Variants in MED1 observed in about 807,000 individuals in gnomAD.
The protein encoded by MED1 is mediator complex subunit 1.
In MED1, 17 loss-of-function variants were observed where a neutral mutation model predicts 121.3. The observed-to-expected ratio is 0.14, with a 90% CI of 0.10 to 0.21. The LOEUF (loss-of-function observed/expected upper bound fraction) is 0.21, where lower values mean the gene tolerates loss of function less well. MED1 is among the 10% of genes least tolerant of loss of function. The pLI is 1.00. For synonymous variants in MED1, 661 were observed against 694.4 expected, an observed-to-expected ratio of 0.95 and a Z score of 0.76; for missense variants, 1,558 against 1,919.4, an observed-to-expected ratio of 0.81 and a Z score of 3.52.
chr17:39,410,708 G>A lies in MED1; in HGVS notation c.1513C>T (p.Pro505Ser). 6.2e-7 allele frequency: 1 copy of A among 1,606,648 alleles called. No homozygotes were observed. Among genetic ancestry groups the A allele is most frequent in the Non-Finnish European group, 8.5e-7 (1 of 1,174,922 alleles). ...AKVVQRCMSI[P>S]VTMRAIRRKA... ...CTCCGAATAGCCCTCATCGTCACAG[G>A]GATGGACATACATCTGCAAAATAAA... The change falls in exon 17 of 17, where the codon CCT becomes TCT. Residue 505 changes from proline to serine, a missense_variant. Physicochemically the swap from Pro to Ser is moderately conservative, Grantham distance 74 (BLOSUM62 -1). Around this residue, in one of 5 missense-constraint regions of MED1, gnomAD observed 50 missense variants for 134.5 expected, o/e 0.37. Transcript: ENST00000300651.
chr17:39,445,723 C>T (rs1240483886), intron 2 of MED1, among the ~76,000 whole-genome samples: 1 of 151,960 alleles, frequency 6.6e-6, no homozygotes, highest in Non-Finnish European at 1.5e-5. Context: ...AATTTGGTTG[C>T]CTTAAGGAAT....
rs529734694 is a variant in MED1 at position 39,406,322 on chromosome 17, G to A, written c.*1153C>T. 5.3e-5 allele frequency: 52 copies of A among 985,556 alleles called. No homozygotes were observed. Among genetic ancestry groups the A allele is most frequent in the Non-Finnish European group, 6.0e-5 (50 of 829,934 alleles). The allele number at this position is 985,556 out of a possible 1,614,324, so 61.1% of individuals were successfully genotyped here. A position where few individuals can be genotyped will look rare whatever the true frequency, so the allele number is the denominator to read the frequency against. ...TTTATCTCAGGGAGCATACAGTGGA[G>A]TGATTAAAGTTTGGACTCCTTCTCC... On this transcript the variant is annotated 3_prime_UTR_variant, in exon 17 of 17. Transcript: ENST00000300651.
Position 39,432,003 on chromosome 17 carries a change from T to C in MED1, c.514A>G (p.Lys172Glu). 6.2e-7 allele frequency: 1 copy of C among 1,607,224 alleles called. No homozygotes were observed. The highest frequency in any genetic ancestry group is 8.5e-7 in the Non-Finnish European group (1 of 1,173,816). Residue 172 changes from lysine to glutamate, a missense_variant, in exon 8 of 17, where the codon AAA becomes GAA. Physicochemically the swap from Lys to Glu is moderately conservative, Grantham distance 56. Around this residue, in one of 5 missense-constraint regions of MED1, gnomAD observed 443 missense variants for 532.4 expected, o/e 0.83. Transcript: ENST00000300651. ...NLPGDNKLKT[K>E]MYLALQSLEQ... ...AAGGATTGGAGAGCCAAGTACATTT[T>C]AGTCTTCAGTTTGCTGGAGAGTAGA...
At chr17:39,435,830 T>C (rs1307531536) in intron 6 of MED1, among the ~76,000 whole-genome samples, 1 of 152,066 alleles carries the variant, frequency 6.6e-6, no homozygotes, top group Non-Finnish European at 1.5e-5. Context: ...GCCTCCTGTG[T>C]AGCTGGAATT....
intron 16 of MED1, among the ~76,000 whole-genome samples, 166 bp from the exon 17 acceptor site, chr17:39,410,887 T>G (rs2048349257): frequency 1.3e-5 from 2 of 152,170 alleles, no homozygotes; most frequent in African/African-American, 4.8e-5. Flanking sequence ...GGTAAATACA[T>G]TCTAAAAATC....
rs2048309322 is a variant in MED1, at chr17:39,407,095, A to G, written c.*380T>C. The G allele has an allele frequency of 1.0e-6, 1 of 997,790 alleles. No homozygotes were observed. Among genetic ancestry groups the G allele is most frequent in the Non-Finnish European group, 1.2e-6 (1 of 837,830 alleles). 61.8% of individuals were successfully genotyped at this position (997,790 alleles called of 1,614,324 possible). Reference sequence around the variant, plus strand: ...TCTGCCCAGCCCTTCATATACATGCACTAAAATGAGTTTAAAACATGGCCT... The same window carrying G: ...TCTGCCCAGCCCTTCATATACATGCGCTAAAATGAGTTTAAAACATGGCCT... On this transcript the variant is annotated 3_prime_UTR_variant, in exon 17 of 17. Coordinates refer to ENST00000300651, the MANE Select transcript of MED1 (RefSeq NM_004774.4).
intron 13 of MED1, among the ~76,000 whole-genome samples, chr17:39,422,019 T>C (rs1347780010): frequency 6.7e-6 from 1 of 149,290 alleles, no homozygotes; most frequent in Non-Finnish European, 1.5e-5. Context: ...TCCCAGCTAC[T>C]CAGGAGGCTG....
At position 39,443,625 on chromosome 17, in the gene MED1, T is replaced by C. The variant is rs890185610; in HGVS notation, c.136A>G (p.Lys46Glu). 1 of 1,613,550 alleles carries C rather than the reference T, an allele frequency of 6.2e-7. No individual in the cohort carries two copies. Among genetic ancestry groups the C allele is most frequent in the Non-Finnish European group, 8.5e-7 (1 of 1,179,558 alleles). The change falls in exon 3 of 17, where the codon AAG becomes GAG. Residue 46 changes from lysine (K) to glutamate (E), a missense_variant. By Grantham distance (56) the Lys-to-Glu change is moderately conservative (BLOSUM62 1). Coordinates refer to ENST00000300651, the MANE Select transcript of MED1 (RefSeq NM_004774.4). ...TIKLVRQVME[K>E]RVVMSSGGHQ... ...CCTCCAGAACTCATCACAACCCTCT[T>C]CTCCTGTGTCAAGTGGGAAAACATT...
intron 13 of MED1, 148 bp downstream of exon 13, chr17:39,423,179 C>G: frequency 1.5e-6 from 1 of 688,676 alleles, no homozygotes; most frequent in Non-Finnish European, 2.5e-6. Flanking sequence ...TCTGAGATTT[C>G]TGTAATTTCC....
intron 13 of MED1, among the ~76,000 whole-genome samples, chr17:39,420,736 GC>G (rs755348123): frequency 1.2e-4 from 18 of 149,872 alleles, no homozygotes; most frequent in Non-Finnish European, 2.2e-4. Context: ...CCAGGATGAA[GC>G]CCCTCAGCTT....
intron 9 of MED1, among the ~76,000 whole-genome samples, chr17:39,430,302 T>C (rs2048553654): frequency 6.6e-6 from 1 of 151,026 alleles, no homozygotes; most frequent in African/African-American, 2.4e-5. Flanking sequence ...GGAGAATCCC[T>C]TGAACCCAGG....
At chr17:39,446,797 T>C (rs1174945969) in intron 2 of MED1, among the ~76,000 whole-genome samples, 3 of 148,906 alleles carry the variant, frequency 2.0e-5, no homozygotes, top group Non-Finnish European at 4.5e-5. Context: ...AAAAACTAGC[T>C]GGACATGGTT....
At chr17:39,447,335 G>A (rs2048737789) in intron 2 of MED1, among the ~76,000 whole-genome samples, 2 of 151,016 alleles carry the variant, frequency 1.3e-5, no homozygotes, top group East Asian at 1.9e-4. Context: ...AGGTTGCAGT[G>A]AGCCGAGATC....
In MED1 at chr17:39,443,606, G is replaced by A. The variant is rs1431069946; in HGVS notation, c.155C>T (p.Ser52Phe). ...GCTGACCAAATGTTGATGCCCTCCAGAACTCATCACAACCCTCTTCTCCTG... is the reference window on the plus strand; with the variant it reads ...GCTGACCAAATGTTGATGCCCTCCAAAACTCATCACAACCCTCTTCTCCTG... ...QVMEKRVVMS[S>F]GGHQHLVSCL... Residue 52 changes from serine to phenylalanine, a missense_variant, in exon 3 of 17, where the codon TCT becomes TTT. Coordinates refer to ENST00000300651, the MANE Select transcript of MED1 (RefSeq NM_004774.4). The A allele has an allele frequency of 8.7e-6, 14 of 1,613,830 alleles. No homozygotes were observed. The highest frequency in any genetic ancestry group is 1.2e-5 in the Non-Finnish European group (14 of 1,179,924).
chr17:39,451,009 G>A, intron 1 of MED1, 29 bp downstream of exon 1: 8 of 1,581,376 alleles, frequency 5.1e-6, no homozygotes, highest in African/African-American at 1.4e-5. Flanking sequence ...GTTGTGTCCC[G>A]CCCCCTCCTT....
intron 1 of MED1, 134 bp from the exon 2 acceptor site, chr17:39,448,038 C>A: frequency 3.5e-6 from 2 of 569,354 alleles, no homozygotes; most frequent in East Asian, 3.1e-5. Flanking sequence ...CATTTTACTT[C>A]AAAACATCCA....
intron 15 of MED1, 27 bp from the exon 16 acceptor site, chr17:39,415,158 G>T (rs2048397554): frequency 6.2e-7 from 1 of 1,610,344 alleles, no homozygotes; most frequent in Non-Finnish European, 8.5e-7. Context: ...ATAGGAAATT[G>T]TTTTAGATTT....
chr17:39,417,902 C>T (rs1269920356), intron 14 of MED1, among the ~76,000 whole-genome samples: 3 of 151,752 alleles, frequency 2.0e-5, no homozygotes, highest in Non-Finnish European at 4.4e-5. Context: ...GGGTGGATCA[C>T]GAGGTCAGGA....
Position 39,440,297 on chromosome 17 carries a change from C to A in MED1, c.399+89G>T, listed in dbSNP as rs2048663498. 2.2e-6 allele frequency: 3 copies of A among 1,367,724 alleles called. No individual in the cohort carries two copies. Among genetic ancestry groups the A allele is most frequent in the Non-Finnish European group, 2.9e-6 (3 of 1,024,554 alleles). The allele number at this position is 1,367,724 out of a possible 1,614,324, so 84.7% of individuals were successfully genotyped here. A position where few individuals can be genotyped will look rare whatever the true frequency, so the allele number is the denominator to read the frequency against. ...CAGTGGCTCATGGAAAAACCTAAAC[C>A]CAAGCTATTTAAACCCCAACAATTA... On this transcript the variant is annotated intron_variant, in intron 5 of 16. Coordinates refer to ENST00000300651, the MANE Select transcript of MED1 (RefSeq NM_004774.4). The surrounding 1 kb of genome is among the most constrained non-coding windows in gnomAD (Gnocchi z 4.1).
Sources: allele counts gnomAD v4.1 joint callset (sites outside exome capture counted in the v4.1 genomes callset), GRCh38; gene constraint gnomAD v4.1.1; regional missense constraint gnomAD v4.1.1; non-coding constraint Gnocchi (gnomAD v3.1); transcripts MANE v1.5; gene names NCBI Gene and HGNC (gene_info 2026-07-23, HGNC 2026-07-21).